The following TSHZ3 variants were observed in gnomAD, a reference collection of about 807,000 sequenced individuals.
TSHZ3 encodes the protein teashirt zinc finger homeobox 3.
A neutral mutation model predicts 64.5 loss-of-function variants in TSHZ3; 10 were observed. That is an observed-to-expected ratio of 0.16 (90% CI 0.10 to 0.26). The LOEUF (loss-of-function observed/expected upper bound fraction) is 0.26. Among genes scored for constraint, TSHZ3 ranks in the 10% least tolerant of loss-of-function variants. The pLI is 1.00. For synonymous variants in TSHZ3, 608 were observed against 593.1 expected, an observed-to-expected ratio of 1.03 and a Z score of -0.36; for missense variants, 1,242 against 1,421.7, an observed-to-expected ratio of 0.87 and a Z score of 2.03.
intron 1 of TSHZ3, among the ~76,000 whole-genome samples, chr19:31,345,684 T>C (rs964112750): frequency 1.5e-5 from 2 of 131,952 alleles, no homozygotes; most frequent in South Asian, 4.9e-4. Flanking sequence ...TTGTTTTTTG[T>C]TTGGTTTTTT....
At chr19:31,184,103 G>T (rs941961683) in intron 5 of TSHZ3, among the ~76,000 whole-genome samples, 5 of 152,172 alleles carry the variant, frequency 3.3e-5, no homozygotes, top group African/African-American at 1.2e-4. Flanking sequence ...TACATTTTAT[G>T]AATATGTAAA....
rs775455961 is a variant in TSHZ3 at position 31,277,797 on chromosome 19, T to C, written c.1996A>G (p.Ser666Gly). 2.6e-6 allele frequency: 4 copies of C among 1,540,914 alleles called. No homozygotes were observed. The highest frequency in any genetic ancestry group is 3.5e-6 in the Non-Finnish European group (4 of 1,147,082). The change falls in exon 2 of 2, where the codon AGC becomes GGC. Residue 666 changes from serine to glycine, a missense_variant. By Grantham distance (56) the Ser-to-Gly change is moderately conservative. This residue lies in a region of TSHZ3 where 550 missense variants were observed against 545.1 expected (regional missense o/e 1.01). Transcript: ENST00000240587. This position sits in a 1 kb window ranked among gnomAD's most constrained non-coding sequence, Gnocchi z 4.5. ...GGGGGGCTGGGGCTGTTCTCCTGGC[T>C]GCGGAAGCCCCCATCGCTGGATGCC... ...MEASSDGGFR[S>G]QENSPSPPRD...
chr19:31,232,902 T>C (rs1370741174), intron 3 of TSHZ3, among the ~76,000 whole-genome samples: 1 of 152,264 alleles, frequency 6.6e-6, no homozygotes, highest in Non-Finnish European at 1.5e-5. Context: ...CCAGCATTTG[T>C]TCCTTTTTAT....
At chr19:31,348,588 CA>C (rs2021590126) in intron 1 of TSHZ3, among the ~76,000 whole-genome samples, 1 of 151,958 alleles carries the variant, frequency 6.6e-6, no homozygotes. Context: ...GAAACACAAA[CA>C]GGGGAGAAGG....
At chr19:31,219,069 G>A (rs1012467543) in intron 4 of TSHZ3, among the ~76,000 whole-genome samples, 7 of 152,180 alleles carry the variant, frequency 4.6e-5, no homozygotes, top group Admixed American at 2.6e-4. Context: ...AGTGAGATGT[G>A]CATATCTTCA....
At chr19:31,208,618 C>G (rs1463576990) in intron 4 of TSHZ3, among the ~76,000 whole-genome samples, 1 of 152,200 alleles carries the variant, frequency 6.6e-6, no homozygotes, top group African/African-American at 2.4e-5. Flanking sequence ...CTTATGGGAA[C>G]TGGAAATAGG....
intron 1 of TSHZ3, among the ~76,000 whole-genome samples, chr19:31,246,808 G>A (rs1283630204): frequency 6.6e-6 from 1 of 152,102 alleles, no homozygotes; most frequent in Non-Finnish European, 1.5e-5. Flanking sequence ...GGTCATTGCA[G>A]GCCTGCAACC....
chr19:31,306,963 G>A (rs1014285202), intron 1 of TSHZ3, among the ~76,000 whole-genome samples: 5 of 152,044 alleles, frequency 3.3e-5, no homozygotes, highest in Admixed American at 6.6e-5. Context: ...CTCTCCTGCA[G>A]ACTTGGAGTC....
intron 5 of TSHZ3, among the ~76,000 whole-genome samples, chr19:31,188,709 A>C: frequency 6.6e-6 from 1 of 151,864 alleles, no homozygotes; most frequent in Non-Finnish European, 1.5e-5. Context: ...TTTGTTAAGA[A>C]TGTTTGCATT....
At chr19:31,239,954 C>T (rs866911985) in intron 3 of TSHZ3, among the ~76,000 whole-genome samples, 10 of 152,058 alleles carry the variant, frequency 6.6e-5, no homozygotes, top group African/African-American at 1.7e-4. Context: ...GTCTGTAATG[C>T]GTGTTTCCAG....
chr19:31,328,364 A>G (rs990809356), intron 1 of TSHZ3, among the ~76,000 whole-genome samples: 42 of 152,242 alleles, frequency 2.8e-4, no homozygotes, highest in African/African-American at 9.6e-4. Flanking sequence ...AACAGCGGGG[A>G]CTGCGGGCCA....
chr19:31,234,612 C>A (rs887995552), intron 3 of TSHZ3, among the ~76,000 whole-genome samples: 1 of 152,178 alleles, frequency 6.6e-6, no homozygotes, highest in Non-Finnish European at 1.5e-5. Flanking sequence ...TCATCAAACT[C>A]TTTTGCTGCA....
At position 31,276,308 on chromosome 19, in the gene TSHZ3, T is replaced by G. The variant is rs1701786297; in HGVS notation, c.*239A>C. 2.7e-6 allele frequency: 1 copy of G among 370,824 alleles called. No homozygotes were observed. Among genetic ancestry groups the G allele is most frequent in the African/African-American group, 2.1e-5 (1 of 48,018 alleles). 23.0% of individuals were successfully genotyped at this position (370,824 alleles called of 1,614,324 possible). A position where few individuals can be genotyped will look rare whatever the true frequency, so the allele number is the denominator to read the frequency against. Reference sequence around the variant, plus strand: ...GAGGATGCTCACAACTAAATCCCGTTTACACAAAGTTCCAAACACTTACCA... The same window carrying G: ...GAGGATGCTCACAACTAAATCCCGTGTACACAAAGTTCCAAACACTTACCA... On this transcript the variant is annotated 3_prime_UTR_variant, in exon 2 of 2. Transcript: ENST00000240587.
intron 1 of TSHZ3, chr19:31,305,708 GTT>G (rs1599637839): frequency 6.6e-6 from 1 of 152,162 alleles, no homozygotes; most frequent in East Asian, 1.9e-4. Context: ...TGCCCACTCT[GTT>G]TAGAGCAAAA....
intron 5 of TSHZ3, among the ~76,000 whole-genome samples, chr19:31,156,736 G>A (rs1006329602): frequency 6.6e-6 from 1 of 152,012 alleles, no homozygotes; most frequent in Admixed American, 6.6e-5. Flanking sequence ...AGTGCAATAT[G>A]CTTTGTGAGT....
intron 4 of TSHZ3, among the ~76,000 whole-genome samples, chr19:31,226,195 C>A (rs1975458342): frequency 1.3e-5 from 2 of 151,970 alleles, no homozygotes; most frequent in Admixed American, 1.3e-4. Flanking sequence ...CAATCTTCAA[C>A]CCACTCTTTC....
At chr19:31,285,235 TTTG>T (rs1976435692) in intron 1 of TSHZ3, among the ~76,000 whole-genome samples, 1 of 152,036 alleles carries the variant, frequency 6.6e-6, no homozygotes, top group Non-Finnish European at 1.5e-5. Flanking sequence ...AATCCCAGCA[TTTG>T]GGAGGCCGAG....
At chr19:31,179,521 G>C (rs1974666498) in intron 5 of TSHZ3, among the ~76,000 whole-genome samples, 1 of 152,220 alleles carries the variant, frequency 6.6e-6, no homozygotes, top group African/African-American at 2.4e-5. Flanking sequence ...TAGATTTGGA[G>C]GGGGGCAAAC....
intron 3 of TSHZ3, among the ~76,000 whole-genome samples, chr19:31,231,450 C>A (rs748839192): frequency 6.6e-6 from 1 of 152,174 alleles, no homozygotes; most frequent in Non-Finnish European, 1.5e-5. Flanking sequence ...GTGATTCAGC[C>A]TCGTATTATG....
Sources: allele counts gnomAD v4.1 joint callset (sites outside exome capture counted in the v4.1 genomes callset), GRCh38; gene constraint gnomAD v4.1.1; regional missense constraint gnomAD v4.1.1; non-coding constraint Gnocchi (gnomAD v3.1); transcripts MANE v1.5; gene names NCBI Gene and HGNC (gene_info 2026-07-23, HGNC 2026-07-21).